Variants in DGLUCY observed in about 807,000 individuals in gnomAD.
DGLUCY encodes D-glutamate cyclase.
A neutral mutation model predicts 58.5 loss-of-function variants in DGLUCY; 58 were observed. The ratio of observed to expected loss-of-function variants is 0.99; its 90% CI spans 0.80 to 1.23. The LOEUF is 1.23. Among genes scored for constraint, DGLUCY ranks in the 50% most tolerant of loss-of-function variants. The probability of loss-of-function intolerance (pLI) is 0.00; values close to 1 mark genes in which losing one functional copy is unlikely to be tolerated. For missense variants in DGLUCY, 779 were observed against 784.7 expected (o/e 0.99, Z 0.09); for synonymous variants, 325 against 314.1 (o/e 1.03, Z -0.37).
chr14:91,099,298 C>T (rs144518644), intron 1 of DGLUCY, among the ~76,000 whole-genome samples: 7 of 152,166 alleles, frequency 4.6e-5, no homozygotes, highest in African/African-American at 1.4e-4. Flanking sequence ...TTTGGGAGGC[C>T]GAGGCAGGCA....
At chr14:91,224,634 T>G in intron 13 of DGLUCY, 50 bp from the exon 14 acceptor site, 1 of 1,512,138 alleles carries the variant, frequency 6.6e-7, no homozygotes, top group African/African-American at 1.4e-5. Context: ...AAAAGAAATT[T>G]CTTTTTCCTC....
chr14:91,176,113 C>A, intron 7 of DGLUCY, 57 bp downstream of exon 7: 1 of 1,574,356 alleles, frequency 6.4e-7, no homozygotes, highest in South Asian at 1.1e-5. Flanking sequence ...CCAGTGGGGT[C>A]TAGTTCTTGA....
intron 7 of DGLUCY, among the ~76,000 whole-genome samples, chr14:91,177,205 T>C (rs771610647): frequency 1.3e-5 from 2 of 152,142 alleles, no homozygotes; most frequent in Non-Finnish European, 2.9e-5. Context: ...CTTGTTACAA[T>C]GTCCAGGCTG....
At chr14:91,070,397 A>G (rs1349809051) in intron 1 of DGLUCY, among the ~76,000 whole-genome samples, 1 of 152,230 alleles carries the variant, frequency 6.6e-6, no homozygotes, top group African/African-American at 2.4e-5. Context: ...AATACTGTCA[A>G]CAGATTTGGA....
At chr14:91,105,840 A>G (rs1216551431), upstream of DGLUCY, among the ~76,000 whole-genome samples, 1 of 152,226 alleles carries the variant, frequency 6.6e-6, no homozygotes, top group African/African-American at 2.4e-5. Context: ...CCTGGGTGGC[A>G]TAGGCTACGA....
At chr14:91,065,538 C>T (rs1376561588) in intron 1 of DGLUCY, among the ~76,000 whole-genome samples, 1 of 152,186 alleles carries the variant, frequency 6.6e-6, no homozygotes, top group African/African-American at 2.4e-5. Flanking sequence ...TCCACCACTC[C>T]TACCCCTAAA....
At chr14:91,215,989 C>T (rs1207909140) in intron 13 of DGLUCY, 6 of 332,532 alleles carry the variant, frequency 1.8e-5, no homozygotes, top group Non-Finnish European at 3.5e-5. Flanking sequence ...GTAAGTCAAT[C>T]AGCCATACTA....
chr14:91,102,680 T>C (rs1404728075), intron 1 of DGLUCY, among the ~76,000 whole-genome samples: 1 of 151,600 alleles, frequency 6.6e-6, no homozygotes, highest in Non-Finnish European at 1.5e-5. Flanking sequence ...GCATGTGCTC[T>C]AGCAGATTTG....
chr14:91,063,755 G>A (rs1019227359), intron 1 of DGLUCY, among the ~76,000 whole-genome samples: 64 of 152,334 alleles, frequency 4.2e-4, no homozygotes, highest in African/African-American at 1.4e-3. Flanking sequence ...GCAGAGGCCC[G>A]GTCAGGAAGT....
chr14:91,218,994 A>G (rs1197849213), intron 13 of DGLUCY, among the ~76,000 whole-genome samples: 1 of 151,820 alleles, frequency 6.6e-6, no homozygotes, highest in African/African-American at 2.4e-5. Flanking sequence ...AGCCTGGCCA[A>G]TATGGTGAAA....
intron 1 of DGLUCY, among the ~76,000 whole-genome samples, chr14:91,141,702 C>T (rs2046692227): frequency 6.6e-6 from 1 of 150,690 alleles, no homozygotes; most frequent in Non-Finnish European, 1.5e-5. Flanking sequence ...CAGGCATGCA[C>T]CACTGCACCC....
chr14:91,137,113 C>T (rs545070424), intron 1 of DGLUCY, among the ~76,000 whole-genome samples: 2 of 151,942 alleles, frequency 1.3e-5, no homozygotes, highest in South Asian at 4.1e-4. Context: ...AGGCAAAGGC[C>T]CAGCAGAACG....
At chr14:91,181,945 T>G (rs1182031125) in intron 8 of DGLUCY, among the ~76,000 whole-genome samples, 1 of 150,894 alleles carries the variant, frequency 6.6e-6, no homozygotes, top group Non-Finnish European at 1.5e-5. Context: ...ATGCCCAGCC[T>G]TGCTTTCTTC....
At chr14:91,107,586 A>G (rs1309858061), upstream of DGLUCY, among the ~76,000 whole-genome samples, 1 of 152,126 alleles carries the variant, frequency 6.6e-6, no homozygotes, top group Non-Finnish European at 1.5e-5. Context: ...GCTAAGAGTG[A>G]GTGTGAAGAG....
upstream of DGLUCY, among the ~76,000 whole-genome samples, chr14:91,105,758 G>A (rs918583230): frequency 2.0e-5 from 3 of 152,138 alleles, no homozygotes; most frequent in Admixed American, 1.3e-4. Context: ...TAACAATAAG[G>A]ATAAGTTCTG....
chr14:91,103,618 C>T (rs2044530973), upstream of DGLUCY, among the ~76,000 whole-genome samples: 1 of 152,132 alleles, frequency 6.6e-6, no homozygotes, highest in Non-Finnish European at 1.5e-5. Context: ...TAGTCTGGAT[C>T]CCATTTCTTG....
At chr14:91,158,184 T>C (rs543839259) in intron 2 of DGLUCY, among the ~76,000 whole-genome samples, 1 of 152,308 alleles carries the variant, frequency 6.6e-6, no homozygotes, top group African/African-American at 2.4e-5. Flanking sequence ...GGTAGCTCAG[T>C]TGCTTGGCTA....
rs1202585607 is a variant in DGLUCY, at chr14:91,074,103, AAAT to A, written c.-82+13401_-82+13403del. On this transcript the variant is annotated intron_variant, in intron 1 of 4. Transcript: ENST00000521334. ...AGACCTCATCTCTACCAAAAAAAAA[AAAT>A]ATATATATATATACACACACACACA... Among the ~76,000 whole-genome samples the A allele has an allele frequency of 1.1e-3, 95 of 86,294 alleles. 1 individual carries two copies. The highest frequency in any genetic ancestry group is 3.6e-3 in the African/African-American group (90 of 25,260). The allele number at this position is 86,294 out of a possible 152,430, so 56.6% of individuals were successfully genotyped here. A position where few individuals can be genotyped will look rare whatever the true frequency, so the allele number is the denominator to read the frequency against.
intron 8 of DGLUCY, among the ~76,000 whole-genome samples, chr14:91,186,749 A>G (rs570133257): frequency 1.2e-4 from 19 of 152,280 alleles, no homozygotes; most frequent in African/African-American, 4.3e-4. Context: ...TAAGACAGAA[A>G]TCACCCTCCA....
Sources: gnomAD v4.1 joint callset for allele counts (sites outside exome capture counted in the v4.1 genomes callset) on GRCh38, gnomAD v4.1.1 for gene constraint, MANE v1.5 for transcripts, NCBI Gene and HGNC (gene_info 2026-07-23, HGNC 2026-07-21) for gene names.